The following SPTLC2 variants were observed in gnomAD, a reference collection of about 807,000 sequenced individuals.
SPTLC2 encodes serine palmitoyltransferase long chain base subunit 2.
A neutral mutation model predicts 62.0 loss-of-function variants in SPTLC2; 21 were observed. That is an observed-to-expected ratio of 0.34 (90% CI 0.24 to 0.49). The LOEUF (loss-of-function observed/expected upper bound fraction) is 0.49, where lower values mean the gene tolerates loss of function less well. SPTLC2 is among the 20% of genes least tolerant of loss of function. The probability of loss-of-function intolerance (pLI) is 0.99; values close to 1 mark genes in which losing one functional copy is unlikely to be tolerated. For synonymous variants in SPTLC2, 261 were observed against 261.8 expected (o/e 1.00, Z 0.03); for missense variants, 511 against 713.0 (o/e 0.72, Z 3.23).
intron 1 of SPTLC2, among the ~76,000 whole-genome samples, chr14:77,603,056 A>C (rs1180710959): frequency 1.3e-5 from 2 of 152,260 alleles, no homozygotes; most frequent in Non-Finnish European, 2.9e-5. Flanking sequence ...TCCTGAATAA[A>C]GGTTTCAAGA....
At chr14:77,547,771 A>T (rs933455131) in intron 9 of SPTLC2, 2 of 151,822 alleles carry the variant, frequency 1.3e-5, no homozygotes, top group African/African-American at 4.8e-5. Context: ...TCTCTGGCAC[A>T]GTGTGCTACA....
intron 9 of SPTLC2, among the ~76,000 whole-genome samples, chr14:77,533,795 TAA>T (rs1329316195): frequency 6.6e-6 from 1 of 152,208 alleles, no homozygotes; most frequent in Non-Finnish European, 1.5e-5. Context: ...AAAATATTCC[TAA>T]GTCTCTGGGG....
intron 4 of SPTLC2, among the ~76,000 whole-genome samples, chr14:77,572,623 G>A (rs1215760132): frequency 6.6e-6 from 1 of 152,180 alleles, no homozygotes. Context: ...TTTAGATGGT[G>A]TCTTCTTTCA....
intron 1 of SPTLC2, among the ~76,000 whole-genome samples, chr14:77,616,194 C>G (rs2079965725): frequency 6.6e-6 from 1 of 152,204 alleles, no homozygotes; most frequent in Admixed American, 6.5e-5. Context: ...GAGAAAAGTA[C>G]CCGGAGCTCT....
chr14:77,526,858 G>T (rs2079411559), intron 9 of SPTLC2, among the ~76,000 whole-genome samples: 1 of 150,020 alleles, frequency 6.7e-6, no homozygotes, highest in Non-Finnish European at 1.5e-5. Context: ...GCAGTGGCGT[G>T]CTCCTGGCTC....
chr14:77,582,262 C>G (rs2079755902), intron 2 of SPTLC2, among the ~76,000 whole-genome samples: 1 of 152,078 alleles, frequency 6.6e-6, no homozygotes, highest in African/African-American at 2.4e-5. Flanking sequence ...CCATGTTGGT[C>G]AGGCTGGTCT....
chr14:77,542,650 T>G (rs2079507522), intron 9 of SPTLC2, among the ~76,000 whole-genome samples: 1 of 152,172 alleles, frequency 6.6e-6, no homozygotes, highest in South Asian at 2.1e-4. Context: ...AGCAGACAGA[T>G]CTGCGTCTTC....
At chr14:77,549,758 C>A (rs1376173894) in intron 9 of SPTLC2, among the ~76,000 whole-genome samples, 1 of 152,180 alleles carries the variant, frequency 6.6e-6, no homozygotes, top group African/African-American at 2.4e-5. Context: ...TTGTGCTGAT[C>A]CAAAGCCTAT....
chr14:77,555,078 T>C (rs1457870129), intron 8 of SPTLC2, among the ~76,000 whole-genome samples: 1 of 152,218 alleles, frequency 6.6e-6, no homozygotes, highest in Admixed American at 6.5e-5. Flanking sequence ...CAGATCAGCA[T>C]GTAGCTTAGA....
At chr14:77,570,356 A>G (rs746344503) in intron 5 of SPTLC2, 28 bp downstream of exon 5, 5 of 1,610,296 alleles carry the variant, frequency 3.1e-6, no homozygotes, top group Non-Finnish European at 4.2e-6. Context: ...TACATGAGGG[A>G]GTTTTCATAA....
chr14:77,573,653 G>A (rs1451329071), intron 4 of SPTLC2, among the ~76,000 whole-genome samples: 1 of 152,138 alleles, frequency 6.6e-6, no homozygotes, highest in Non-Finnish European at 1.5e-5. Flanking sequence ...TCTTGAGACA[G>A]AGTCTCACTC....
chr14:77,512,256 A>G lies in SPTLC2; in HGVS notation c.*28T>C, dbSNP rs774101934. 1.7e-5 allele frequency: 27 copies of G among 1,612,938 alleles called. No homozygotes were observed. Among genetic ancestry groups the G allele is most frequent in the Admixed American group, 1.7e-4 (10 of 59,992 alleles). ...CCACAGGCTGTCCTGGGTGAGGGAG[A>G]GTTCCTCTGAGGGAGCACCAAAAAG... On this transcript the variant is annotated 3_prime_UTR_variant, in exon 12 of 12. Coordinates refer to ENST00000216484, the MANE Select transcript of SPTLC2 (RefSeq NM_004863.4).
At chr14:77,545,415 C>T (rs940639790) in intron 9 of SPTLC2, among the ~76,000 whole-genome samples, 1 of 152,000 alleles carries the variant, frequency 6.6e-6, no homozygotes, top group South Asian at 2.1e-4. Context: ...TGCAGGCATG[C>T]GCCACCATGC....
intron 1 of SPTLC2, among the ~76,000 whole-genome samples, chr14:77,610,590 A>AT (rs1459060831): frequency 6.6e-6 from 1 of 152,144 alleles, no homozygotes; most frequent in African/African-American, 2.4e-5. Context: ...CCAGCCCTTA[A>AT]TACCTATTTT....
chr14:77,600,602 T>A (rs908585789), intron 1 of SPTLC2, among the ~76,000 whole-genome samples: 4 of 152,208 alleles, frequency 2.6e-5, no homozygotes. Context: ...ATTTATGAAG[T>A]CTTAATAAAT....
intron 2 of SPTLC2, among the ~76,000 whole-genome samples, chr14:77,592,635 T>C (rs1224540512): frequency 6.6e-6 from 1 of 152,180 alleles, no homozygotes; most frequent in African/African-American, 2.4e-5. Context: ...CAGGGGTACG[T>C]GTGCAGGTTG....
At chr14:77,616,263 C>G (rs1350663016) in intron 1 of SPTLC2, among the ~76,000 whole-genome samples, 185 bp downstream of exon 1, 1 of 152,140 alleles carries the variant, frequency 6.6e-6, no homozygotes, top group Non-Finnish European at 1.5e-5. Flanking sequence ...GGGGAGCCCC[C>G]GAGCCGTCCT....
At chr14:77,536,265 C>T (rs1475598412) in intron 9 of SPTLC2, among the ~76,000 whole-genome samples, 2 of 142,526 alleles carry the variant, frequency 1.4e-5, no homozygotes, top group Admixed American at 1.4e-4. Flanking sequence ...CTGAATTGTA[C>T]CGAAAAATGA....
intron 9 of SPTLC2, among the ~76,000 whole-genome samples, chr14:77,524,698 T>C (rs1413806615): frequency 6.6e-6 from 1 of 152,182 alleles, no homozygotes; most frequent in East Asian, 1.9e-4. Context: ...ATGCTGTCAT[T>C]TGCACAAGAT....
Sources: gnomAD v4.1 joint callset for allele counts (sites outside exome capture counted in the v4.1 genomes callset) on GRCh38, gnomAD v4.1.1 for gene constraint, MANE v1.5 for transcripts, NCBI Gene and HGNC (gene_info 2026-07-23, HGNC 2026-07-21) for gene names.